The following SH2D3C variants were observed in gnomAD, a reference collection of about 807,000 sequenced individuals.
SH2D3C encodes SH2 domain-containing protein 3C.
SH2D3C carries 25 observed loss-of-function variants against 75.2 expected under a neutral mutation model. The ratio of observed to expected loss-of-function variants is 0.33; its 90% CI spans 0.24 to 0.46. SH2D3C has a LOEUF of 0.46. SH2D3C is among the 20% of genes least tolerant of loss of function. The pLI is 1.00. For missense variants in SH2D3C, 933 were observed against 1,165.3 expected (o/e 0.80, Z 2.90); for synonymous variants, 450 against 473.7 (o/e 0.95, Z 0.65).
chr9:127,763,123 C>T (rs117772177), intron 2 of SH2D3C, among the ~76,000 whole-genome samples: 3,093 of 152,328 alleles, frequency 0.02, 50 homozygotes, highest in Non-Finnish European at 0.033. Context: ...CTGGAATGCT[C>T]TTCCCCAAGG....
chr9:127,770,073 AG>A (rs1845705309), intron 2 of SH2D3C, among the ~76,000 whole-genome samples: 3 of 151,884 alleles, frequency 2.0e-5, no homozygotes, highest in Admixed American at 2.0e-4. Flanking sequence ...TTGAGGAGGG[AG>A]GGTGCCTCTC....
At chr9:127,765,418 T>C (rs1401727773) in intron 2 of SH2D3C, among the ~76,000 whole-genome samples, 1 of 152,130 alleles carries the variant, frequency 6.6e-6, no homozygotes, top group African/African-American at 2.4e-5. Context: ...ATCAGGAACT[T>C]AGTAAATATA....
chr9:127,739,726 T>C lies in SH2D3C; in HGVS notation c.2363A>G (p.His788Arg). 1.2e-6 allele frequency: 2 copies of C among 1,610,882 alleles called. No homozygotes were observed. Among genetic ancestry groups the C allele is most frequent in the Non-Finnish European group, 1.7e-6 (2 of 1,179,688 alleles). Residue 788 changes from histidine to arginine, a missense_variant, in exon 11 of 12, where the codon CAC (histidine) becomes CGC (arginine). Transcript: ENST00000314830. This position sits in a 1 kb window ranked among gnomAD's most constrained non-coding sequence, Gnocchi z 4.3. ...ATTGGTGTGGTACAGGCCTCCGTGG[T>C]GTGCCACTGTGCGGGCGGCCTCCAG... ...AHLEAARTVAHHGGLYHTNAE... is the reference protein window; with the variant it reads ...AHLEAARTVARHGGLYHTNAE...
At chr9:127,746,108 T>A (rs911552229) in intron 6 of SH2D3C, among the ~76,000 whole-genome samples, 1 of 152,238 alleles carries the variant, frequency 6.6e-6, no homozygotes, top group African/African-American at 2.4e-5. Flanking sequence ...TGCTTTACTA[T>A]ACCAGATTGC....
At chr9:127,744,427 G>T in intron 7 of SH2D3C, 137 bp downstream of exon 7, 1 of 1,135,820 alleles carries the variant, frequency 8.8e-7, no homozygotes, top group Non-Finnish European at 1.2e-6. Context: ...CAGAGTCACA[G>T]AGCAGGCAAA....
At position 127,744,656 on chromosome 9, in the gene SH2D3C, G is replaced by T. The variant is rs574180679; in HGVS notation, c.1708C>A (p.Leu570Met). Reference protein sequence around the residue: ...SLLIPRDNRPLEVGLLRKVKE... With the variant: ...SLLIPRDNRPMEVGLLRKVKE... ...ACCTTGCGCAGAAGGCCCACCTCCA[G>T]TGGCCGGTTATCCCTGGGGATCAGT... Residue 570 changes from leucine to methionine, a missense_variant, in exon 7 of 12, where the codon CTG becomes ATG. Transcript: ENST00000314830. The T allele has an allele frequency of 6.2e-7, 1 of 1,614,210 alleles. No homozygotes were observed. Among genetic ancestry groups the T allele is most frequent in the South Asian group, 1.1e-5 (1 of 91,088 alleles).
chr9:127,742,061 G>T, intron 8 of SH2D3C, 102 bp from the exon 9 acceptor site: 1 of 1,128,972 alleles, frequency 8.9e-7, no homozygotes, highest in Admixed American at 2.6e-5. Context: ...GCGGAGGGCG[G>T]AGCCAACGTG....
At chr9:127,769,533 G>C (rs1009470779) in intron 2 of SH2D3C, among the ~76,000 whole-genome samples, 4 of 151,904 alleles carry the variant, frequency 2.6e-5, no homozygotes, top group African/African-American at 9.7e-5. Context: ...GCGCATGCCT[G>C]TAATCCCAGC....
intron 7 of SH2D3C, among the ~76,000 whole-genome samples, chr9:127,744,053 A>T (rs1844947938): frequency 6.7e-6 from 1 of 149,084 alleles, no homozygotes; most frequent in Non-Finnish European, 1.5e-5. Context: ...ATCTGGAGGA[A>T]GCAAGGATAT....
chr9:127,748,145 C>A (rs1213978188), intron 5 of SH2D3C, among the ~76,000 whole-genome samples: 1 of 152,184 alleles, frequency 6.6e-6, no homozygotes, highest in Admixed American at 6.5e-5. Flanking sequence ...AATCTTTCCT[C>A]CAACCTGGAG....
intron 4 of SH2D3C, among the ~76,000 whole-genome samples, chr9:127,750,356 T>C (rs1845165709): frequency 1.3e-5 from 2 of 152,176 alleles, no homozygotes; most frequent in Admixed American, 1.3e-4. Context: ...GGTTTCACCA[T>C]GTGGGCCAGG....
In SH2D3C at chr9:127,744,634, T is replaced by G. The variant is rs758781808; in HGVS notation, c.1730A>C (p.Lys577Thr). 3.4e-5 allele frequency: 55 copies of G among 1,614,004 alleles called. No homozygotes were observed. Among genetic ancestry groups the G allele is most frequent in the Non-Finnish European group, 4.1e-5 (48 of 1,179,986 alleles). The stretch of plus-strand genomic sequence containing the variant: ...CACTTCTGCCAGCAGCTCCTTGACC[T>G]TGCGCAGAAGGCCCACCTCCAGTGG... ...NRPLEVGLLR[K>T]VKELLAEVDA... Residue 577 changes from lysine to threonine, a missense_variant, in exon 7 of 12, where the codon AAG (lysine) becomes ACG (threonine). Physicochemically the swap from Lys to Thr is moderately conservative, Grantham distance 78 (BLOSUM62 -1). Transcript: ENST00000314830.
intron 3 of SH2D3C, among the ~76,000 whole-genome samples, chr9:127,757,103 A>ATTTTTT (rs1169901282): frequency 1.6e-5 from 2 of 122,666 alleles, no homozygotes; most frequent in Non-Finnish European, 1.8e-5. Flanking sequence ...TGCTTGGCTA[A>ATTTTTT]TTTTTTTTTT....
chr9:127,750,979 C>T (rs538487249), intron 4 of SH2D3C, among the ~76,000 whole-genome samples, 193 bp downstream of exon 4: 31 of 152,340 alleles, frequency 2.0e-4, no homozygotes, highest in Admixed American at 1.3e-3. Flanking sequence ...TACTGAGGCT[C>T]GGAGAGGTGA....
chr9:127,771,443 A>G (rs889757120), intron 2 of SH2D3C: 4 of 1,178,840 alleles, frequency 3.4e-6, no homozygotes, highest in Non-Finnish European at 4.4e-6. Context: ...CGCCTCGAAC[A>G]CGGCCCTCCG....
At chr9:127,766,277 A>G (rs571261520) in intron 2 of SH2D3C, among the ~76,000 whole-genome samples, 15 of 152,310 alleles carry the variant, frequency 9.8e-5, no homozygotes, top group African/African-American at 3.1e-4. Context: ...TACGTCCTCA[A>G]GTGGAGACCT....
At chr9:127,766,945 A>G in intron 2 of SH2D3C, 1 of 1,536,026 alleles carries the variant, frequency 6.5e-7, no homozygotes, top group Non-Finnish European at 8.7e-7. Context: ...TGAGCTTCTC[A>G]GTCCTTAAAG....
chr9:127,758,644 C>A (rs573642028), intron 3 of SH2D3C, among the ~76,000 whole-genome samples: 2 of 152,332 alleles, frequency 1.3e-5, no homozygotes, highest in African/African-American at 4.8e-5. Flanking sequence ...TACTTTCTGA[C>A]TTTGTCCACA....
rs538164583 is a variant in SH2D3C at position 127,744,583 on chromosome 9, A to G, written c.1781T>C (p.Val594Ala). ...EVDARTLARH[V>A]TKVDCLVARI... ...ACCTACCAGGCAGTCCACCTTGGTGACATGCCGGGCCAGCGTCCGGGCATC... is the reference window on the plus strand; with the variant it reads ...ACCTACCAGGCAGTCCACCTTGGTGGCATGCCGGGCCAGCGTCCGGGCATC... Residue 594 changes from valine to alanine, a missense_variant, in exon 7 of 12, where the codon GTC (valine) becomes GCC (alanine). By Grantham distance (64) the Val-to-Ala change is moderately conservative. Coordinates refer to ENST00000314830, the MANE Select transcript of SH2D3C (RefSeq NM_170600.3). The G allele has an allele frequency of 1.9e-6, 3 of 1,610,030 alleles. No homozygotes were observed. The highest frequency in any genetic ancestry group is 2.7e-5 in the African/African-American group (2 of 74,986).
Sources: allele counts gnomAD v4.1 joint callset (sites outside exome capture counted in the v4.1 genomes callset), GRCh38; gene constraint gnomAD v4.1.1; non-coding constraint Gnocchi (gnomAD v3.1); transcripts MANE v1.5; gene names NCBI Gene and HGNC (gene_info 2026-07-23, HGNC 2026-07-21).